Variants in RPTN observed in about 807,000 individuals in gnomAD.
RPTN encodes intermediate filament-associated protein.
In RPTN, 4 loss-of-function variants were observed where a neutral mutation model predicts 3.6. That is an observed-to-expected ratio of 1.12 (90% confidence interval 0.55 to 2.55). RPTN has a LOEUF of 2.55. Among genes scored for constraint, RPTN ranks in the 30% most tolerant of loss-of-function variants. The pLI, the probability that RPTN is intolerant of heterozygous loss-of-function variation, is 0.02. For synonymous variants in RPTN, 293 were observed against 319.3 expected, an observed-to-expected ratio of 0.92 and a Z score of 0.88; for missense variants, 860 against 916.7, an observed-to-expected ratio of 0.94 and a Z score of 0.80.
In RPTN at chr1:152,156,355, T is replaced by C; in HGVS notation, c.744A>G (p.Gln248=). The C allele has an allele frequency of 6.2e-7, 1 of 1,614,272 alleles. No homozygotes were observed. Among genetic ancestry groups the C allele is most frequent in the Non-Finnish European group, 8.5e-7 (1 of 1,180,054 alleles). The change falls in exon 3 of 3, where the codon CAA becomes CAG. Residue 248 remains glutamine, a synonymous_variant. Transcript: ENST00000316073. ...SHYGQSERHT[Q]QSETLGQASH... is the part of the protein sequence containing the mutation. ...AGGCTTGTCCAAGTGTTTCAGATTG[T>C]TGTGTATGTCTTTCAGACTGACCAT...
intron 1 of RPTN, among the ~76,000 whole-genome samples, chr1:152,158,876 C>T (rs879917479): frequency 2.6e-5 from 4 of 152,146 alleles, no homozygotes; most frequent in Admixed American, 6.5e-5. Context: ...CTAAACTATT[C>T]GGTCTTTCCT....
intron 2 of RPTN, 87 bp from the exon 3 acceptor site, chr1:152,157,047 G>T: frequency 8.8e-7 from 1 of 1,135,048 alleles, no homozygotes; most frequent in Non-Finnish European, 1.3e-6. Context: ...CAATCCATTC[G>T]GTGCTGCACG....
Position 152,154,954 on chromosome 1 carries a change from A to G in RPTN, c.2145T>C (p.Asp715=). ...AEEEQGHQTW[D]RHSHESQEGP... ...CTTCCTGACTCTCATGGCTGTGTCT[A>G]TCCCAAGTTTGATGGCCCTGCTCTT... Residue 715 remains aspartate (D), a synonymous_variant, in exon 3 of 3, where the codon GAT becomes GAC. Coordinates refer to ENST00000316073, the MANE Select transcript of RPTN (RefSeq NM_001122965.1). 4.3e-6 allele frequency: 7 copies of G among 1,613,926 alleles called. No individual in the cohort carries two copies. The highest frequency in any genetic ancestry group is 5.9e-6 in the Non-Finnish European group (7 of 1,179,998).
At chr1:152,157,273 T>C (rs534914446) in intron 2 of RPTN, among the ~76,000 whole-genome samples, 1 of 152,342 alleles carries the variant, frequency 6.6e-6, no homozygotes, top group Admixed American at 6.5e-5. Context: ...TAGCCCCTTT[T>C]GTTTTTCACT....
chr1:152,156,336 G>C lies in RPTN; in HGVS notation c.763C>G (p.Gln255Glu). 1 of 1,614,244 alleles carries C rather than the reference G, an allele frequency of 6.2e-7. No homozygotes were observed. The highest frequency in any genetic ancestry group is 8.5e-7 in the Non-Finnish European group (1 of 1,180,050). Reference sequence around the variant, plus strand: ...TTTGTCTGGTTAAAGTGAGAGGCTTGTCCAAGTGTTTCAGATTGTTGTGTA... The same window carrying C: ...TTTGTCTGGTTAAAGTGAGAGGCTTCTCCAAGTGTTTCAGATTGTTGTGTA... ...RHTQQSETLG[Q>E]ASHFNQTNQQ... Residue 255 changes from glutamine (Q) to glutamate (E), a missense_variant, in exon 3 of 3, where the codon CAA (glutamine) becomes GAA (glutamate). By Grantham distance (29) the Gln-to-Glu change is conservative. Coordinates refer to ENST00000316073, the MANE Select transcript of RPTN (RefSeq NM_001122965.1).
rs1659207961 is a variant in RPTN, at chr1:152,156,479, C to G, written c.620G>C (p.Gly207Ala). 1 of 1,614,214 alleles carries G rather than the reference C, an allele frequency of 6.2e-7. No homozygotes were observed. Among genetic ancestry groups the G allele is most frequent in the Non-Finnish European group, 8.5e-7 (1 of 1,180,036 alleles). Reference sequence around the variant, plus strand: ...GGTAGATTTGTGACTCACTTTTTTACCAGAGCTGGAGTCTTGACTTTGTCT... The same window carrying G: ...GGTAGATTTGTGACTCACTTTTTTAGCAGAGCTGGAGTCTTGACTTTGTCT... ...SERQSQDSSSGKKVSHKSTSG... is the reference protein window; with the variant it reads ...SERQSQDSSSAKKVSHKSTSG... The change falls in exon 3 of 3, where the codon GGT becomes GCT. Residue 207 changes from glycine (G) to alanine (A), a missense_variant. Gly to Ala is a moderately conservative substitution (Grantham distance 60, BLOSUM62 0). Coordinates refer to ENST00000316073, the MANE Select transcript of RPTN (RefSeq NM_001122965.1).
In RPTN at chr1:152,156,895, A is replaced by C; in HGVS notation, c.204T>G (p.His68Gln). 6.2e-7 allele frequency: 1 copy of C among 1,614,172 alleles called. No individual in the cohort carries two copies. The highest frequency in any genetic ancestry group is 1.1e-5 in the South Asian group (1 of 91,078). ...ACAAGAGGTACTCATGAAAATCAAT[A>C]TGTCCATCTCGGTCTTGATCTAAGA... ...LNLLDQDRDG[H>Q]IDFHEYLLLV... Residue 68 changes from histidine to glutamine, a missense_variant, in exon 3 of 3, where the codon CAT becomes CAG. His to Gln is a conservative substitution (Grantham distance 24, BLOSUM62 0). Transcript: ENST00000316073.
In RPTN at chr1:152,155,703, T is replaced by C. The variant is rs994306380; in HGVS notation, c.1396A>G (p.Thr466Ala). The C allele has an allele frequency of 5.6e-6, 9 of 1,609,294 alleles. No homozygotes were observed. In the East Asian group the frequency reaches 2.0e-4, roughly 36 times the overall value. Residue 466 changes from threonine to alanine, a missense_variant, in exon 3 of 3, where the codon ACA (threonine) becomes GCA (alanine). By Grantham distance (58) the Thr-to-Ala change is moderately conservative. Coordinates refer to ENST00000316073, the MANE Select transcript of RPTN (RefSeq NM_001122965.1). ...TGGGAACTCTGGCCTTGTCTGTCTGTCTGACCATAGTGGGAACTCTGGCCT... is the reference window on the plus strand; with the variant it reads ...TGGGAACTCTGGCCTTGTCTGTCTGCCTGACCATAGTGGGAACTCTGGCCT... Reference protein sequence around the residue: ...RQGQSSHYGQTDRQGQSSHYS... With the variant: ...RQGQSSHYGQADRQGQSSHYS...
At chr1:152,158,160 A>T (rs991403660) in intron 1 of RPTN, among the ~76,000 whole-genome samples, 2 of 152,196 alleles carry the variant, frequency 1.3e-5, no homozygotes, top group African/African-American at 4.8e-5. Flanking sequence ...AATGCATTGC[A>T]GGTGTTTTAC....
In RPTN at chr1:152,154,699, A is replaced by G. The variant is rs1659154375; in HGVS notation, c.*45T>C. 5 of 1,602,974 alleles carry G rather than the reference A, an allele frequency of 3.1e-6. No homozygotes were observed. The highest frequency in any genetic ancestry group is 2.7e-5 in the African/African-American group (2 of 74,402). On this transcript the variant is annotated 3_prime_UTR_variant, in exon 3 of 3. Transcript: ENST00000316073. ...CTTTCTCCTCATAGTTTTGTCTATT[A>G]TGTTGTTGCTGATGGTTTTGATCCT...
chr1:152,158,069 C>T (rs1659242434), intron 1 of RPTN, among the ~76,000 whole-genome samples, 160 bp from the exon 2 acceptor site: 1 of 152,052 alleles, frequency 6.6e-6, no homozygotes, highest in Admixed American at 6.6e-5. Context: ...CAGTCGGGGA[C>T]CAAATCTCAT....
In RPTN at chr1:152,155,841, G is replaced by A. The variant is rs538216535; in HGVS notation, c.1258C>T (p.Arg420Ter). 31 of 1,296,488 alleles carry A rather than the reference G, an allele frequency of 2.4e-5. No individual in the cohort carries two copies. The highest frequency in any genetic ancestry group is 2.1e-4 in the Middle Eastern group (1 of 4,720). The allele number at this position is 1,296,488 out of a possible 1,614,324, so 80.3% of individuals were successfully genotyped here. A position where few individuals can be genotyped will look rare whatever the true frequency, so the allele number is the denominator to read the frequency against. The change falls in exon 3 of 3, where the codon CGA becomes TGA. Residue 420 changes from arginine to a stop codon, truncating the protein, a stop_gained. Transcript: ENST00000316073. LOFTEE classifies it low-confidence loss of function (END_TRUNC). ...GQSSHYSQMD[R>*]QGQGSHYGQT... ...CCGTAGTGAGAACCCTGGCCTTGTC[G>A]GTCCATCTGACTGTAGTGGGAACTC...
In RPTN at chr1:152,154,906, C is replaced by T; in HGVS notation, c.2193G>A (p.Arg731=). The T allele has an allele frequency of 6.2e-7, 1 of 1,614,076 alleles. No homozygotes were observed. The highest frequency in any genetic ancestry group is 8.5e-7 in the Non-Finnish European group (1 of 1,180,024). ...GGTTCTGCTCATCTTTATGGGTTCG[C>T]CTGTCCTGTGTCCCACATGGACCTT... The part of the protein sequence containing the change: ...SQEGPCGTQD[R]RTHKDEQNHQ... The change falls in exon 3 of 3, where the codon AGG becomes AGA. Residue 731 remains arginine, a synonymous_variant. Transcript: ENST00000316073.
chr1:152,156,259 T>C lies in RPTN; in HGVS notation c.840A>G (p.Glu280=), dbSNP rs369031618. 52 of 1,614,118 alleles carry C rather than the reference T, an allele frequency of 3.2e-5. No individual in the cohort carries two copies. Among genetic ancestry groups the C allele is most frequent in the South Asian group, 2.9e-4 (26 of 91,086 alleles). The change falls in exon 3 of 3, where the codon GAA becomes GAG. Residue 280 remains glutamate (E), a synonymous_variant. Transcript: ENST00000316073. ...YCGQSERLGQ[E]LGCGQTDRQG... ...GTCTGTCTGTCTGACCACAGCCTAA[T>C]TCCTGACCTAGCCTCTCAGACTGTC...
In RPTN at chr1:152,156,602, C is replaced by G; in HGVS notation, c.497G>C (p.Arg166Thr). 2 of 1,041,760 alleles carry G rather than the reference C, an allele frequency of 1.9e-6. No individual in the cohort carries two copies. The highest frequency in any genetic ancestry group is 2.5e-6 in the Non-Finnish European group (2 of 811,230). 64.5% of individuals were successfully genotyped at this position (1,041,760 alleles called of 1,614,324 possible). A position where few individuals can be genotyped will look rare whatever the true frequency, so the allele number is the denominator to read the frequency against. ...SHHGQSEKQD[R>T]DSHHSQPERQ... Reference sequence around the variant, plus strand: ...CTCAGGCTGACTGTGGTGGGAATCTCTGTCTTGTTTCTCAGACTGACCATG... The same window carrying G: ...CTCAGGCTGACTGTGGTGGGAATCTGTGTCTTGTTTCTCAGACTGACCATG... Residue 166 changes from arginine to threonine, a missense_variant, in exon 3 of 3, where the codon AGA becomes ACA. Arg to Thr is a moderately conservative substitution (Grantham distance 71). Coordinates refer to ENST00000316073, the MANE Select transcript of RPTN (RefSeq NM_001122965.1).
rs757761724 is a variant in RPTN, at chr1:152,154,737, G to T, written c.*7C>A. 6 of 1,613,266 alleles carry T rather than the reference G, an allele frequency of 3.7e-6. No individual in the cohort carries two copies. The highest frequency in any genetic ancestry group is 5.1e-6 in the Non-Finnish European group (6 of 1,179,624). ...TGGTTTTGATCCTCTTCATGAGTTT[G>T]CCTGTCTCATCTCTGATGGTTCTGC... On this transcript the variant is annotated 3_prime_UTR_variant, in exon 3 of 3. Coordinates refer to ENST00000316073, the MANE Select transcript of RPTN (RefSeq NM_001122965.1).
intron 2 of RPTN, 49 bp downstream of exon 2, chr1:152,157,703 A>C: frequency 2.5e-6 from 4 of 1,582,660 alleles, no homozygotes; most frequent in Non-Finnish European, 1.7e-6. Flanking sequence ...TGCAGGTGTC[A>C]GAGTCATTCA....
At chr1:152,158,159 C>T (rs1177845713) in intron 1 of RPTN, among the ~76,000 whole-genome samples, 1 of 152,122 alleles carries the variant, frequency 6.6e-6, no homozygotes, top group East Asian at 1.9e-4. Flanking sequence ...AAATGCATTG[C>T]AGGTGTTTTA....
rs879089036 is a variant in RPTN, at chr1:152,155,486, A to T, written c.1613T>A (p.Met538Lys). 2 of 1,520,988 alleles carry T rather than the reference A, an allele frequency of 1.3e-6. No homozygotes were observed. Among genetic ancestry groups the T allele is most frequent in the Non-Finnish European group, 1.8e-6 (2 of 1,132,018 alleles). The allele number at this position is 1,520,988 out of a possible 1,614,324, so 94.2% of individuals were successfully genotyped here. ...GTGGGAACTCTGGCCTTGTCTGTCC[A>T]TCTGACTGTAGTGGGAACTCTGGCC... The part of the protein sequence containing the change: ...RQGQSSHYSQ[M>K]DRQGQSSHYG... Residue 538 changes from methionine to lysine, a missense_variant, in exon 3 of 3, where the codon ATG (methionine) becomes AAG (lysine). Coordinates refer to ENST00000316073, the MANE Select transcript of RPTN (RefSeq NM_001122965.1).
Sources: allele counts gnomAD v4.1 joint callset (sites outside exome capture counted in the v4.1 genomes callset), GRCh38; gene constraint gnomAD v4.1.1; transcripts MANE v1.5; gene names NCBI Gene and HGNC (gene_info 2026-07-23, HGNC 2026-07-21).